KCNQ1: variants seen among roughly 807,000 people sequenced by gnomAD.
The protein encoded by KCNQ1 is potassium voltage-gated channel subfamily KQT member 1.
In KCNQ1, 49 loss-of-function variants were observed where a neutral mutation model predicts 72.4. That is an observed-to-expected ratio of 0.68 (90% CI 0.54 to 0.86). The LOEUF (loss-of-function observed/expected upper bound fraction) is 0.86, where lower values mean the gene tolerates loss of function less well. Ranked by LOEUF, KCNQ1 falls within the 40% of genes least tolerant of loss-of-function variation. The pLI is 0.00. For missense variants in KCNQ1, 790 were observed against 945.1 expected, an observed-to-expected ratio of 0.84 and a Z score of 2.15; for synonymous variants, 450 against 412.6, an observed-to-expected ratio of 1.09 and a Z score of -1.10.
chr11:2,814,028 T>C (rs1005343978), intron 15 of KCNQ1, among the ~76,000 whole-genome samples: 11 of 147,992 alleles, frequency 7.4e-5, no homozygotes, highest in African/African-American at 1.8e-4. Flanking sequence ...GATGGATGGA[T>C]GGGTGTGTGG....
At chr11:2,733,864 C>CCT (rs55641944) in intron 11 of KCNQ1, among the ~76,000 whole-genome samples, 9,739 of 94,066 alleles carry the variant, frequency 0.1, 1,533 homozygotes, top group Middle Eastern at 0.13. Context: ...TCTCCCCCCC[C>CCT]ACTTCAGGGC....
chr11:2,621,802 C>A lies in KCNQ1; in HGVS notation c.1393+32948C>A. 5.0e-6 allele frequency: 2 copies of A among 398,246 alleles called. No individual in the cohort carries two copies. Among genetic ancestry groups the A allele is most frequent in the South Asian group, 2.6e-4 (2 of 7,826 alleles). The allele number at this position is 398,246 out of a possible 1,614,324, so 24.7% of individuals were successfully genotyped here. A position where few individuals can be genotyped will look rare whatever the true frequency, so the allele number is the denominator to read the frequency against. ...TTTGTTGATTTTATTTTTCAAAAAT[C>A]AATTCTTTGTTTCAAAAATTGAAGT... On this transcript the variant is annotated intron_variant, in intron 10 of 15. Coordinates refer to ENST00000155840, the MANE Select transcript of KCNQ1 (RefSeq NM_000218.3). This position sits in a 1 kb window ranked among gnomAD's most constrained non-coding sequence, Gnocchi z 5.7.
intron 10 of KCNQ1, chr11:2,616,203 T>G: frequency 2.6e-6 from 1 of 385,476 alleles, no homozygotes; most frequent in Admixed American, 4.5e-5. Flanking sequence ...TTCCCACTTT[T>G]GTTTTTTTTT....
intron 11 of KCNQ1, chr11:2,686,052 G>A: frequency 2.5e-6 from 1 of 399,274 alleles, no homozygotes; most frequent in Admixed American, 4.4e-5. Context: ...CATCTGATGG[G>A]GCAGGGGCAG....
Position 2,663,913 on chromosome 11 carries a change from A to T in KCNQ1, c.1514+1832A>T, listed in dbSNP as rs1043976325. 9.0e-5 allele frequency: 36 copies of T among 398,604 alleles called. No homozygotes were observed. Among genetic ancestry groups the T allele is most frequent in the Middle Eastern group, 1.2e-3 (2 of 1,610 alleles). The allele number at this position is 398,604 out of a possible 1,614,324, so 24.7% of individuals were successfully genotyped here. A position where few individuals can be genotyped will look rare whatever the true frequency, so the allele number is the denominator to read the frequency against. The stretch of plus-strand genomic sequence containing the variant: ...AGCCAGTGTGGCTGTGTCATCTAGG[A>T]CACTGGGCTGTTTCTTGTTCCACTC... On this transcript the variant is annotated intron_variant, in intron 11 of 15. Coordinates refer to ENST00000155840, the MANE Select transcript of KCNQ1 (RefSeq NM_000218.3). The surrounding 1 kb of genome is among the most constrained non-coding windows in gnomAD (Gnocchi z 5.2).
chr11:2,455,720 A>G (rs2133573659), intron 1 of KCNQ1, among the ~76,000 whole-genome samples: 1 of 152,320 alleles, frequency 6.6e-6, no homozygotes, highest in Middle Eastern at 3.4e-3. Context: ...CTATTCTAAC[A>G]TTCATGTAGA....
chr11:2,799,390 G>GTGTGTGTGTC (rs1847212062), intron 15 of KCNQ1, among the ~76,000 whole-genome samples: 1 of 152,016 alleles, frequency 6.6e-6, no homozygotes, highest in Non-Finnish European at 1.5e-5. Flanking sequence ...GTGTGTGTGT[G>GTGTGTGTGTC]TGTGTGTGTG....
rs1016266344 is a variant in KCNQ1, at chr11:2,842,227, G to A, written c.1795-5540G>A. On this transcript the variant is annotated intron_variant, in intron 15 of 15. Coordinates refer to ENST00000155840, the MANE Select transcript of KCNQ1 (RefSeq NM_000218.3). Reference sequence around the variant, plus strand: ...GAGCACAGGGGCTGCCACGACGCTCGACTCTCTGGGCCAAGACTCACACAC... The same window carrying A: ...GAGCACAGGGGCTGCCACGACGCTCAACTCTCTGGGCCAAGACTCACACAC... Among the ~76,000 whole-genome samples, 18 of 152,298 alleles carry A rather than the reference G, an allele frequency of 1.2e-4. No individual in the cohort carries two copies. The East Asian group carries it at 2.9e-3, about 25-fold the overall frequency.
At chr11:2,666,354 T>A (rs1407385079) in intron 11 of KCNQ1, 1 of 398,518 alleles carries the variant, frequency 2.5e-6, no homozygotes, top group Non-Finnish European at 4.4e-6. Flanking sequence ...GGCAAGCATG[T>A]GCTTGCCTGG....
intron 2 of KCNQ1, among the ~76,000 whole-genome samples, chr11:2,530,206 C>G (rs1490578701): frequency 5.3e-5 from 8 of 152,200 alleles, no homozygotes; most frequent in African/African-American, 1.9e-4. Flanking sequence ...CCCCAAGGTA[C>G]CTGCCCAGGA....
rs1399146817 is a variant in KCNQ1, at chr11:2,536,312, C to G, written c.477+8294C>G. 6.6e-6 allele frequency among the ~76,000 whole-genome samples: 1 copy of G among 152,226 alleles called. No homozygotes were observed. The highest frequency in any genetic ancestry group is 2.4e-5 in the African/African-American group (1 of 41,468). ...CTTGGTGATAAACACACCATCCGCA[C>G]TGCCTGCGGCTCTTACAGGAGTCTC... On this transcript the variant is annotated intron_variant, in intron 2 of 15. Coordinates refer to ENST00000155840, the MANE Select transcript of KCNQ1 (RefSeq NM_000218.3). The surrounding 1 kb of genome is among the most constrained non-coding windows in gnomAD (Gnocchi z 7.4).
intron 11 of KCNQ1, among the ~76,000 whole-genome samples, chr11:2,756,189 A>G (rs1197275358): frequency 1.3e-5 from 2 of 152,196 alleles, no homozygotes; most frequent in East Asian, 3.9e-4. Flanking sequence ...CCAAAAGGGA[A>G]CTCTGGTGTG....
Position 2,818,127 on chromosome 11 carries a change from C to T in KCNQ1, c.1795-29640C>T, listed in dbSNP as rs1314720661. Among the ~76,000 whole-genome samples, 1 of 152,180 alleles carries T rather than the reference C, an allele frequency of 6.6e-6. No individual in the cohort carries two copies. The highest frequency in any genetic ancestry group is 1.5e-5 in the Non-Finnish European group (1 of 68,018). On this transcript the variant is annotated intron_variant, in intron 15 of 15. Coordinates refer to ENST00000155840, the MANE Select transcript of KCNQ1 (RefSeq NM_000218.3). The surrounding 1 kb of genome is among the most constrained non-coding windows in gnomAD (Gnocchi z 7.2). ...CACCCTGAGTTCCACAACATCTAAA[C>T]CCAGTGTCTGCTGGCCCTCAGAGTG...
chr11:2,587,750 T>C (rs1589968747), intron 9 of KCNQ1, 58 bp downstream of exon 9: 1 of 1,610,790 alleles, frequency 6.2e-7, no homozygotes, highest in Non-Finnish European at 8.5e-7. Flanking sequence ...GGGGAGGCCG[T>C]GGGGGCCGCA....
intron 11 of KCNQ1, chr11:2,666,030 G>GGCAACCA: frequency 2.5e-6 from 1 of 398,680 alleles, no homozygotes; most frequent in Non-Finnish European, 4.4e-6. Flanking sequence ...GTTGCACATG[G>GGCAACCA]ATACCTGAGA....
In KCNQ1 at chr11:2,687,840, T is replaced by G. The variant is rs1850517495; in HGVS notation, c.1514+25759T>G. The G allele has an allele frequency of 5.0e-6, 2 of 398,492 alleles. No individual in the cohort carries two copies. Among genetic ancestry groups the G allele is most frequent in the Admixed American group, 4.4e-5 (1 of 22,714 alleles). 24.7% of individuals were successfully genotyped at this position (398,492 alleles called of 1,614,324 possible). On this transcript the variant is annotated intron_variant, in intron 11 of 15. Transcript: ENST00000155840. The surrounding 1 kb of genome is among the most constrained non-coding windows in gnomAD (Gnocchi z 5.0). ...TGCCCCAACTGGCTCCAGGCCAAACTCTGGTTCCTGAGGAGCCTCAAAGGC... is the reference window on the plus strand; with the variant it reads ...TGCCCCAACTGGCTCCAGGCCAAACGCTGGTTCCTGAGGAGCCTCAAAGGC...
intron 2 of KCNQ1, among the ~76,000 whole-genome samples, chr11:2,561,707 CA>C (rs1357943732): frequency 1.3e-5 from 2 of 152,252 alleles, no homozygotes; most frequent in African/African-American, 4.8e-5. Flanking sequence ...ATGTGTGGGA[CA>C]AGGGGCTCTC....
rs1186019361 is a variant in KCNQ1 at position 2,445,023 on chromosome 11, T to G, written c.-76T>G. ...GGCTGGCAGCAGTGGCTGCCCGCAC[T>G]GCGCCCGGGCGCTCGCCTTCGCTGC... On this transcript the variant is annotated 5_prime_UTR_variant, in exon 1 of 16. Coordinates refer to ENST00000155840, the MANE Select transcript of KCNQ1 (RefSeq NM_000218.3). 1.0e-6 allele frequency: 1 copy of G among 989,394 alleles called. No individual in the cohort carries two copies. The highest frequency in any genetic ancestry group is 1.8e-5 in the African/African-American group (1 of 56,664). 61.3% of individuals were successfully genotyped at this position (989,394 alleles called of 1,614,324 possible).
chr11:2,461,569 C>T, intron 1 of KCNQ1: 10 of 1,354,360 alleles, frequency 7.4e-6, no homozygotes, highest in Non-Finnish European at 9.8e-6. Flanking sequence ...TTTACTCAGC[C>T]CAGATCACGG....
Sources: gnomAD v4.1 joint callset for allele counts (sites outside exome capture counted in the v4.1 genomes callset) on GRCh38, gnomAD v4.1.1 for gene constraint, Gnocchi (gnomAD v3.1) non-coding constraint, MANE v1.5 for transcripts, NCBI Gene and HGNC (gene_info 2026-07-23, HGNC 2026-07-21) for gene names.